The following C10orf90 variants were observed in gnomAD, a reference collection of about 807,000 sequenced individuals.
The protein encoded by C10orf90 is chromosome 10 open reading frame 90.
In C10orf90, 56 loss-of-function variants were observed where a neutral mutation model predicts 62.5. That is an observed-to-expected ratio of 0.90 (90% confidence interval 0.72 to 1.12). The LOEUF (loss-of-function observed/expected upper bound fraction) is 1.12. C10orf90 is among the 50% of genes most tolerant of loss of function. The pLI, the probability that C10orf90 is intolerant of heterozygous loss-of-function variation, is 0.00. For synonymous variants in C10orf90, 386 were observed against 340.4 expected, an observed-to-expected ratio of 1.13 and a Z score of -1.47; for missense variants, 970 against 880.4, an observed-to-expected ratio of 1.10 and a Z score of -1.29.
At chr10:126,659,523 T>C (rs1423799851) in intron 1 of C10orf90, among the ~76,000 whole-genome samples, 1 of 152,250 alleles carries the variant, frequency 6.6e-6, no homozygotes, top group Non-Finnish European at 1.5e-5. Flanking sequence ...TTGGTTTCTC[T>C]AATACGTTAT....
At position 126,453,609 on chromosome 10, in the gene C10orf90, G is replaced by A. The variant is rs750641884; in HGVS notation, c.2188+5431C>T. Among the ~76,000 whole-genome samples the A allele has an allele frequency of 2.0e-5, 3 of 152,164 alleles. No homozygotes were observed. The highest frequency in any genetic ancestry group is 4.4e-5 in the Non-Finnish European group (3 of 68,034). ...GGGGGAAATGAGCTGAGAACAGAAG[G>A]GGGCAACGTGGGCTGAGTTTGAGCA... On this transcript the variant is annotated intron_variant, in intron 7 of 9. Coordinates refer to ENST00000488181, the MANE Select transcript of C10orf90 (RefSeq NM_001350921.2). The surrounding 1 kb of genome is among the most constrained non-coding windows in gnomAD (Gnocchi z 4.9).
intron 2 of C10orf90, among the ~76,000 whole-genome samples, chr10:126,536,067 T>C (rs1864227215): frequency 6.6e-6 from 1 of 152,102 alleles, no homozygotes; most frequent in South Asian, 2.1e-4. Flanking sequence ...ACGCCCACCA[T>C]CCGCAAGATT....
chr10:126,534,874 G>A (rs185619784), intron 2 of C10orf90, among the ~76,000 whole-genome samples: 41 of 152,224 alleles, frequency 2.7e-4, no homozygotes, highest in African/African-American at 7.0e-4. Context: ...TTTGTTTCCC[G>A]TGATGGCCTC....
intron 7 of C10orf90, among the ~76,000 whole-genome samples, chr10:126,433,609 C>T (rs1033893910): frequency 1.3e-5 from 2 of 152,124 alleles, no homozygotes; most frequent in Non-Finnish European, 2.9e-5. Flanking sequence ...TGCACGCCAC[C>T]ATCTTCCCCG....
At chr10:126,447,321 C>T (rs1858849801) in intron 7 of C10orf90, among the ~76,000 whole-genome samples, 1 of 149,750 alleles carries the variant, frequency 6.7e-6, no homozygotes, top group Admixed American at 6.6e-5. Context: ...CATAAATAGA[C>T]AAAAAGTGAA....
At position 126,648,686 on chromosome 10, in the gene C10orf90, T is replaced by C. The variant is rs564414900; in HGVS notation, c.241-2049A>G. Among the ~76,000 whole-genome samples the C allele has an allele frequency of 2.6e-5, 4 of 152,340 alleles. No homozygotes were observed. In the East Asian group the frequency reaches 5.8e-4, roughly 22 times the overall value. On this transcript the variant is annotated intron_variant, in intron 1 of 9. Coordinates refer to ENST00000488181, the MANE Select transcript of C10orf90 (RefSeq NM_001350921.2). ...CTTAAGTCTGTCAGAAGCAGCAAGT[T>C]ATCTCTCCACTGCTTCACACCAATC...
intron 4 of C10orf90, among the ~76,000 whole-genome samples, chr10:126,498,881 A>G (rs1048396722): frequency 2.0e-5 from 3 of 152,202 alleles, no homozygotes; most frequent in Non-Finnish European, 4.4e-5. Context: ...CCCTCTGCCC[A>G]GTCCTGCTTC....
At chr10:126,463,021 C>T (rs977663366) in intron 5 of C10orf90, among the ~76,000 whole-genome samples, 2 of 151,284 alleles carry the variant, frequency 1.3e-5, no homozygotes, top group African/African-American at 4.9e-5. Context: ...GCCCCACCCA[C>T]CCCCCGTCTC....
At position 126,565,104 on chromosome 10, in the gene C10orf90, TAA is replaced by T. The variant is rs1564873991; in HGVS notation, c.314-51167_314-51166del. Among the ~76,000 whole-genome samples, 246 of 43,290 alleles carry T rather than the reference TAA, an allele frequency of 5.7e-3. 1 individual carries two copies. The highest frequency in any genetic ancestry group is 0.029 in the Middle Eastern group (1 of 34). The allele number at this position is 43,290 out of a possible 152,430, so 28.4% of individuals were successfully genotyped here. On this transcript the variant is annotated intron_variant, in intron 2 of 9. Coordinates refer to ENST00000488181, the MANE Select transcript of C10orf90 (RefSeq NM_001350921.2). Reference sequence around the variant, plus strand: ...TATAAAATATATATTATATAATATATAAAATATATATTATATAATATATAATA... The same window carrying T: ...TATAAAATATATATTATATAATATATAATATATATTATATAATATATAATA...
intron 2 of C10orf90, among the ~76,000 whole-genome samples, chr10:126,614,416 G>A (rs1845498915): frequency 6.6e-6 from 1 of 152,196 alleles, no homozygotes; most frequent in South Asian, 2.1e-4. Context: ...ACAGCCTTCA[G>A]TGGATTCAGG....
Position 126,469,841 on chromosome 10 carries a change from C to T in C10orf90, c.1535-4855G>A, listed in dbSNP as rs146804890. On this transcript the variant is annotated intron_variant, in intron 4 of 9. Coordinates refer to ENST00000488181, the MANE Select transcript of C10orf90 (RefSeq NM_001350921.2). ...GGCAGGCTTGGGTGTCTGTTGAACA[C>T]CCACTCTGCATGGGCGCCTGCAGGT... 1,511 of 456,594 alleles carry T rather than the reference C, an allele frequency of 3.3e-3. 23 individuals carry two copies. The highest frequency in any genetic ancestry group is 0.019 in the South Asian group (1,236 of 64,546). 28.3% of individuals were successfully genotyped at this position (456,594 alleles called of 1,614,324 possible).
At chr10:126,608,965 T>C (rs912274517) in intron 2 of C10orf90, among the ~76,000 whole-genome samples, 3 of 152,286 alleles carry the variant, frequency 2.0e-5, no homozygotes, top group African/African-American at 7.2e-5. Context: ...AAAGAGTATA[T>C]AGGAGTTCTG....
chr10:126,641,984 A>T (rs773801262), intron 2 of C10orf90, among the ~76,000 whole-genome samples: 1 of 152,112 alleles, frequency 6.6e-6, no homozygotes, highest in Non-Finnish European at 1.5e-5. Context: ...CAGAAATGAA[A>T]ATTCAGAGAT....
chr10:126,518,097 C>G (rs1002956759), intron 2 of C10orf90, among the ~76,000 whole-genome samples: 4 of 152,012 alleles, frequency 2.6e-5, no homozygotes, highest in African/African-American at 9.7e-5. Flanking sequence ...AGCCCCACTG[C>G]CCTCAATCCC....
At chr10:126,434,526 A>G (rs1857793812) in intron 7 of C10orf90, among the ~76,000 whole-genome samples, 1 of 152,196 alleles carries the variant, frequency 6.6e-6, no homozygotes, top group Non-Finnish European at 1.5e-5. Flanking sequence ...ACTTTGAAGG[A>G]TGTTTTAGAC....
chr10:126,489,685 A>G (rs931682770), intron 4 of C10orf90, among the ~76,000 whole-genome samples: 9 of 152,012 alleles, frequency 5.9e-5, no homozygotes, highest in African/African-American at 2.2e-4. Context: ...AAATATCAAA[A>G]ATAGAATTTT....
intron 2 of C10orf90, among the ~76,000 whole-genome samples, chr10:126,582,152 C>G (rs958310481): frequency 6.6e-6 from 1 of 152,214 alleles, no homozygotes; most frequent in African/African-American, 2.4e-5. Flanking sequence ...ATGGCCCCTC[C>G]AATGTTGTCC....
chr10:126,569,209 G>T (rs1381933660), intron 2 of C10orf90, among the ~76,000 whole-genome samples: 1 of 152,160 alleles, frequency 6.6e-6, no homozygotes, highest in East Asian at 1.9e-4. Context: ...TGGCCACTTT[G>T]AGAAGGAACT....
chr10:126,607,308 T>C (rs1845333870), intron 2 of C10orf90, among the ~76,000 whole-genome samples: 1 of 152,246 alleles, frequency 6.6e-6, no homozygotes, highest in Non-Finnish European at 1.5e-5. Flanking sequence ...CTGTGATGCG[T>C]TGGCTGTGTT....
Sources: gnomAD v4.1 joint callset for allele counts (sites outside exome capture counted in the v4.1 genomes callset) on GRCh38, gnomAD v4.1.1 for gene constraint, Gnocchi (gnomAD v3.1) non-coding constraint, MANE v1.5 for transcripts, NCBI Gene and HGNC (gene_info 2026-07-23, HGNC 2026-07-21) for gene names.